Variants in SPATA9 observed in about 807,000 individuals in gnomAD.
SPATA9 encodes spermatogenesis-associated protein 9.
Under a neutral mutation model 25.5 loss-of-function variants are expected in SPATA9, and 27 were observed. The observed-to-expected ratio is 1.06, with a 90% CI of 0.78 to 1.46. SPATA9 has a LOEUF of 1.46. Among genes scored for constraint, SPATA9 ranks in the 40% most tolerant of loss-of-function variants. SPATA9 has a pLI of 0.00. For missense variants in SPATA9, 282 were observed against 297.5 expected, an observed-to-expected ratio of 0.95 and a Z score of 0.38; for synonymous variants, 102 against 105.7, an observed-to-expected ratio of 0.97 and a Z score of 0.21.
intron 2 of SPATA9, 24 bp from the exon 3 acceptor site, chr5:95,675,663 T>C: frequency 6.3e-7 from 1 of 1,599,326 alleles, no homozygotes; most frequent in South Asian, 1.1e-5. Context: ...CTTTGAAAAG[T>C]AACTGATGTG....
the SPATA9 span, among the ~76,000 whole-genome samples, chr5:95,704,859 T>C: frequency 1.3e-5 from 2 of 152,178 alleles, no homozygotes; most frequent in Non-Finnish European, 2.9e-5. Context: ...CATCCTCATA[T>C]AGTGGATGAG....
At chr5:95,725,742 A>G in the SPATA9 span, among the ~76,000 whole-genome samples, 3 of 152,032 alleles carry the variant, frequency 2.0e-5, no homozygotes, top group Admixed American at 1.3e-4. Context: ...AATAAATTGC[A>G]TAGGAGATAG....
chr5:95,653,007 A>G, exon 9 of SPATA9: 1 of 1,459,344 alleles, frequency 6.9e-7, no homozygotes, highest in Non-Finnish European at 9.1e-7. Context: ...AGCACTGCAC[A>G]ACCTGGCTCC....
chr5:95,711,220 C>T, the SPATA9 span, among the ~76,000 whole-genome samples: 5 of 152,142 alleles, frequency 3.3e-5, no homozygotes. Context: ...GAGGAAAAGA[C>T]CTTCTCAAGG....
chr5:95,717,839 C>T, the SPATA9 span: 1 of 152,136 alleles, frequency 6.6e-6, no homozygotes, highest in African/African-American at 2.4e-5. Context: ...TTAGAAGGGA[C>T]ATATAGGATG....
intron 1 of SPATA9, among the ~76,000 whole-genome samples, chr5:95,695,904 G>A (rs955985222): frequency 6.6e-6 from 1 of 152,182 alleles, no homozygotes; most frequent in Non-Finnish European, 1.5e-5. Flanking sequence ...CAAAAAGGCT[G>A]TGGCTTCTGT....
At chr5:95,694,215 A>C (rs1430959658) in intron 1 of SPATA9, among the ~76,000 whole-genome samples, 2 of 152,212 alleles carry the variant, frequency 1.3e-5, no homozygotes, top group Non-Finnish European at 1.5e-5. Flanking sequence ...ATATGTAAGT[A>C]CATATAAGCT....
intron 2 of SPATA9, among the ~76,000 whole-genome samples, chr5:95,681,834 A>G (rs1753488559): frequency 6.6e-6 from 1 of 152,180 alleles, no homozygotes; most frequent in Non-Finnish European, 1.5e-5. Flanking sequence ...TGACTTCTGG[A>G]TAAGTGGATT....
chr5:95,658,096 T>C (rs1750882057), downstream of SPATA9: 1 of 151,360 alleles, frequency 6.6e-6, no homozygotes, highest in South Asian at 2.1e-4. Flanking sequence ...ACAGAAATCT[T>C]CTCATCACAT....
chr5:95,671,440 C>T (rs990023853), intron 3 of SPATA9, among the ~76,000 whole-genome samples: 5 of 152,204 alleles, frequency 3.3e-5, no homozygotes, highest in Admixed American at 2.0e-4. Flanking sequence ...GATGGAGTTT[C>T]GCTCTTGTTG....
the SPATA9 span, among the ~76,000 whole-genome samples, chr5:95,723,566 A>T: frequency 1.3e-5 from 2 of 152,214 alleles, no homozygotes; most frequent in Admixed American, 1.3e-4. Flanking sequence ...TTGTTTTTTT[A>T]AAAAGCTAAT....
chr5:95,690,996 T>G (rs549922053), intron 1 of SPATA9, among the ~76,000 whole-genome samples: 18 of 152,286 alleles, frequency 1.2e-4, no homozygotes, highest in African/African-American at 4.1e-4. Context: ...GTCTCTCTAA[T>G]TTTCTTCTGT....
Position 95,659,431 on chromosome 5 carries a change from G to A in SPATA9, c.475-518C>T, listed in dbSNP as rs1489744610. 3 of 152,628 alleles carry A rather than the reference G, an allele frequency of 2.0e-5. No homozygotes were observed. The East Asian group carries it at 5.8e-4, about 29-fold the overall frequency. The allele number at this position is 152,628 out of a possible 1,614,324, so 9.5% of individuals were successfully genotyped here. On this transcript the variant is annotated intron_variant, in intron 4 of 4. Coordinates refer to ENST00000274432, the MANE Select transcript of SPATA9 (RefSeq NM_031952.4). ...CAAATATGCCACTCAGTACTTTAAG[G>A]AGAGGAGTGTCAAAAATAAAACAGA...
chr5:95,711,883 G>A, the SPATA9 span, among the ~76,000 whole-genome samples: 1 of 152,200 alleles, frequency 6.6e-6, no homozygotes, highest in African/African-American at 2.4e-5. Context: ...GTAACAACCC[G>A]CCACACGGCT....
At chr5:95,655,901 C>A, downstream of SPATA9, 1 of 692,134 alleles carries the variant, frequency 1.4e-6, no homozygotes, top group South Asian at 2.0e-5. Context: ...TTAGGATCTG[C>A]TTTATGCTGA....
At chr5:95,691,120 G>A (rs1753876961) in intron 1 of SPATA9, among the ~76,000 whole-genome samples, 1 of 151,716 alleles carries the variant, frequency 6.6e-6, no homozygotes, top group Admixed American at 6.6e-5. Context: ...GGAGGCTGAG[G>A]CAGGAGAACG....
chr5:95,683,055 A>T (rs940598021), upstream of SPATA9: 1 of 1,227,600 alleles, frequency 8.1e-7, no homozygotes, highest in Admixed American at 4.0e-5. Context: ...TTCTGACATC[A>T]CTCTGGCAGT....
the SPATA9 span, chr5:95,731,631 C>G: frequency 3.7e-6 from 6 of 1,611,182 alleles, no homozygotes; most frequent in South Asian, 3.3e-5. Context: ...CCCGCGAAGC[C>G]GTGAGCCGCT....
chr5:95,683,814 G>A (rs1753641880), upstream of SPATA9, among the ~76,000 whole-genome samples: 1 of 152,136 alleles, frequency 6.6e-6, no homozygotes, highest in Non-Finnish European at 1.5e-5. Flanking sequence ...TGGGATTACA[G>A]ATGTGAGCCA....
Sources: allele counts gnomAD v4.1 joint callset (sites outside exome capture counted in the v4.1 genomes callset), GRCh38; gene constraint gnomAD v4.1.1; transcripts MANE v1.5; gene names NCBI Gene and HGNC (gene_info 2026-07-23, HGNC 2026-07-21).